Variants in CNTNAP2 observed in about 807,000 individuals in gnomAD.
CNTNAP2 encodes contactin-associated protein-like 2.
In CNTNAP2, 98 loss-of-function variants were observed where a neutral mutation model predicts 155.2. The observed-to-expected ratio is 0.63, with a 90% CI of 0.54 to 0.75. CNTNAP2 has a LOEUF of 0.75. CNTNAP2 is among the 30% of genes least tolerant of loss of function. The pLI, the probability that CNTNAP2 is intolerant of heterozygous loss-of-function variation, is 0.00. For missense variants in CNTNAP2, 1,727 were observed against 1,688.1 expected (o/e 1.02, Z -0.40); for synonymous variants, 651 against 631.2 (o/e 1.03, Z -0.47).
At chr7:147,723,851 G>A (rs986885416) in intron 13 of CNTNAP2, among the ~76,000 whole-genome samples, 4 of 151,894 alleles carry the variant, frequency 2.6e-5, no homozygotes, top group African/African-American at 7.3e-5. Context: ...TAGCAAACCC[G>A]TGACCTCAAA....
intron 15 of CNTNAP2, among the ~76,000 whole-genome samples, chr7:148,061,571 T>C (rs1315562374): frequency 1.3e-5 from 2 of 152,010 alleles, no homozygotes; most frequent in Admixed American, 6.6e-5. Flanking sequence ...GCCAGGCCTA[T>C]CTCAAAGTCC....
At chr7:146,212,493 A>G (rs1799050764) in intron 1 of CNTNAP2, among the ~76,000 whole-genome samples, 1 of 152,182 alleles carries the variant, frequency 6.6e-6, no homozygotes, top group Non-Finnish European at 1.5e-5. Context: ...TTTGAGCATT[A>G]GATTCCCAAA....
chr7:146,323,979 C>T (rs1343063064), intron 1 of CNTNAP2, among the ~76,000 whole-genome samples: 5 of 152,136 alleles, frequency 3.3e-5, no homozygotes, highest in African/African-American at 7.2e-5. Context: ...ATTTATTTCT[C>T]GTCATATGGC....
intron 13 of CNTNAP2, among the ~76,000 whole-genome samples, chr7:147,658,243 C>T (rs1380778621): frequency 4.4e-5 from 4 of 90,004 alleles, no homozygotes; most frequent in Non-Finnish European, 6.7e-5. Context: ...GGAGACAGAG[C>T]GAGACTCCGT....
chr7:148,318,403 A>AT (rs1185187478), intron 21 of CNTNAP2, among the ~76,000 whole-genome samples: 1 of 152,134 alleles, frequency 6.6e-6, no homozygotes, highest in South Asian at 2.1e-4. Context: ...AGCGTGTGTG[A>AT]TTTTTTTGCC....
intron 10 of CNTNAP2, among the ~76,000 whole-genome samples, chr7:147,479,076 C>G (rs1409397366): frequency 6.6e-6 from 1 of 152,176 alleles, no homozygotes; most frequent in Non-Finnish European, 1.5e-5. Context: ...AGACTTTCTT[C>G]TCTAGCTAAA....
intron 15 of CNTNAP2, among the ~76,000 whole-genome samples, chr7:147,991,022 C>T (rs566234220): frequency 3.9e-4 from 60 of 152,180 alleles, no homozygotes; most frequent in African/African-American, 1.1e-3. Context: ...CATGAGTCAC[C>T]TTATTGGCAT....
At chr7:147,212,126 G>A (rs1345241401) in intron 8 of CNTNAP2, among the ~76,000 whole-genome samples, 1 of 152,012 alleles carries the variant, frequency 6.6e-6, no homozygotes, top group East Asian at 1.9e-4. Context: ...CAGAGAAAAG[G>A]GAATGCTTAC....
intron 3 of CNTNAP2, among the ~76,000 whole-genome samples, chr7:146,851,827 C>G (rs578010279): frequency 6.6e-6 from 1 of 152,008 alleles, no homozygotes; most frequent in African/African-American, 2.4e-5. Context: ...ACTACAGGTG[C>G]ATGTCACCAT....
At chr7:147,503,906 C>T (rs1404815212) in intron 11 of CNTNAP2, among the ~76,000 whole-genome samples, 1 of 152,060 alleles carries the variant, frequency 6.6e-6, no homozygotes, top group Non-Finnish European at 1.5e-5. Flanking sequence ...GTTTAAAGAA[C>T]CCTGAGGAGA....
chr7:147,287,895 CG>C (rs1471407046), intron 8 of CNTNAP2, among the ~76,000 whole-genome samples: 1 of 152,106 alleles, frequency 6.6e-6, no homozygotes, highest in Non-Finnish European at 1.5e-5. Context: ...TGCTAACCTC[CG>C]TCCAAACTTC....
intron 9 of CNTNAP2, among the ~76,000 whole-genome samples, chr7:147,379,966 A>G (rs1051898953): frequency 1.3e-5 from 2 of 152,018 alleles, no homozygotes; most frequent in South Asian, 2.1e-4. Flanking sequence ...GGATGCTCAG[A>G]TATATAACTT....
At chr7:147,497,077 G>A (rs561555232) in intron 11 of CNTNAP2, 3 of 152,212 alleles carry the variant, frequency 2.0e-5, no homozygotes, top group South Asian at 2.1e-4. Flanking sequence ...GACTTTTGGG[G>A]TATTCTCTCA....
At chr7:148,230,043 T>C (rs1795930817) in intron 20 of CNTNAP2, among the ~76,000 whole-genome samples, 1 of 152,214 alleles carries the variant, frequency 6.6e-6, no homozygotes, top group Non-Finnish European at 1.5e-5. Flanking sequence ...CAGTTCTAGA[T>C]CCACATATCT....
At chr7:147,821,235 ATATAGGAAATG>A (rs1798355042) in intron 13 of CNTNAP2, among the ~76,000 whole-genome samples, 1 of 152,178 alleles carries the variant, frequency 6.6e-6, no homozygotes, top group Admixed American at 6.6e-5. Flanking sequence ...AGAGTAAGTG[ATATAGGAAATG>A]TATTCTTTCT....
At chr7:147,431,335 C>G (rs1301316823) in intron 10 of CNTNAP2, among the ~76,000 whole-genome samples, 1 of 152,164 alleles carries the variant, frequency 6.6e-6, no homozygotes, top group Non-Finnish European at 1.5e-5. Flanking sequence ...CTCTCTATCT[C>G]TTTTGGAACC....
intron 13 of CNTNAP2, among the ~76,000 whole-genome samples, chr7:147,723,609 T>C (rs557198474): frequency 6.6e-6 from 1 of 151,922 alleles, no homozygotes; most frequent in African/African-American, 2.4e-5. Context: ...ACTCTGCTTA[T>C]ACGTGAAAAA....
chr7:147,516,466 A>G (rs926440063), intron 11 of CNTNAP2, among the ~76,000 whole-genome samples: 2 of 152,250 alleles, frequency 1.3e-5, no homozygotes, highest in African/African-American at 2.4e-5. Context: ...GAAGCAAAAC[A>G]CATTTAAAGT....
intron 3 of CNTNAP2, among the ~76,000 whole-genome samples, chr7:147,030,612 C>T: frequency 6.6e-6 from 1 of 152,104 alleles, no homozygotes; most frequent in Non-Finnish European, 1.5e-5. Context: ...TCCCTTTATA[C>T]TTTTATATCA....
Sources: gnomAD v4.1 joint callset for allele counts (sites outside exome capture counted in the v4.1 genomes callset) on GRCh38, gnomAD v4.1.1 for gene constraint, MANE v1.5 for transcripts, NCBI Gene and HGNC (gene_info 2026-07-23, HGNC 2026-07-21) for gene names.